The following NFIA variants were observed in gnomAD, a reference collection of about 807,000 sequenced individuals.
The protein encoded by NFIA is nuclear factor I A, also known as nuclear factor 1 A-type.
A neutral mutation model predicts 62.8 loss-of-function variants in NFIA; 8 were observed. That is an observed-to-expected ratio of 0.13 (90% CI 0.07 to 0.23). The LOEUF (loss-of-function observed/expected upper bound fraction) is 0.23. NFIA is among the 10% of genes least tolerant of loss of function. The pLI is 1.00. For missense variants in NFIA, 410 were observed against 642.1 expected, an observed-to-expected ratio of 0.64 and a Z score of 3.91; for synonymous variants, 235 against 238.1, an observed-to-expected ratio of 0.99 and a Z score of 0.12.
chr1:61,250,753 A>G (rs945356318), intron 2 of NFIA, among the ~76,000 whole-genome samples: 2 of 152,214 alleles, frequency 1.3e-5, no homozygotes, highest in Non-Finnish European at 2.9e-5. Context: ...TATTTATTAA[A>G]ATCATAGCTC....
At chr1:61,384,648 G>A (rs559957280) in intron 7 of NFIA, among the ~76,000 whole-genome samples, 7 of 152,206 alleles carry the variant, frequency 4.6e-5, no homozygotes, top group African/African-American at 1.7e-4. Flanking sequence ...CATATAAACT[G>A]TAGTGGGGGA....
intron 3 of NFIA, among the ~76,000 whole-genome samples, chr1:61,277,927 C>T (rs1657910486): frequency 1.3e-5 from 2 of 151,814 alleles, no homozygotes; most frequent in Non-Finnish European, 2.9e-5. Flanking sequence ...ATGGCTTTTT[C>T]ATTTCATTTT....
chr1:61,129,567 A>G (rs1190928976), intron 2 of NFIA, among the ~76,000 whole-genome samples: 1 of 150,264 alleles, frequency 6.7e-6, no homozygotes, highest in Non-Finnish European at 1.5e-5. Context: ...CTCATGCCTC[A>G]GCCTCCCGAG....
At chr1:61,202,238 A>G (rs1362101843) in intron 2 of NFIA, among the ~76,000 whole-genome samples, 1 of 152,182 alleles carries the variant, frequency 6.6e-6, no homozygotes, top group Non-Finnish European at 1.5e-5. Flanking sequence ...CTTTAAATAA[A>G]ATCCAACTAG....
At chr1:61,273,728 AC>A (rs1237795609) in intron 2 of NFIA, among the ~76,000 whole-genome samples, 6 of 152,172 alleles carry the variant, frequency 3.9e-5, no homozygotes, top group Non-Finnish European at 5.9e-5. Context: ...GTTTGAACTC[AC>A]CTTACTACAG....
At chr1:61,390,058 G>A (rs1409263800) in intron 7 of NFIA, among the ~76,000 whole-genome samples, 2 of 152,158 alleles carry the variant, frequency 1.3e-5, no homozygotes, top group Admixed American at 6.5e-5. Flanking sequence ...AGAGGACAAG[G>A]AAACCAGCAG....
intron 7 of NFIA, among the ~76,000 whole-genome samples, chr1:61,389,904 C>T (rs72666668): frequency 6.6e-6 from 1 of 152,230 alleles, no homozygotes; most frequent in Non-Finnish European, 1.5e-5. Flanking sequence ...TATTAGTTTG[C>T]AGATACCTAT....
At chr1:61,371,567 G>A (rs1663888928) in intron 6 of NFIA, among the ~76,000 whole-genome samples, 1 of 152,128 alleles carries the variant, frequency 6.6e-6, no homozygotes, top group South Asian at 2.1e-4. Flanking sequence ...TAATTTATTA[G>A]AAATGTCATT....
rs543917719 is a variant in NFIA at position 61,462,317 on chromosome 1, C to A, written c.*6997C>A. The A allele has an allele frequency of 6.6e-6, 1 of 152,154 alleles. No individual in the cohort carries two copies. The highest frequency in any genetic ancestry group is 1.5e-5 in the Non-Finnish European group (1 of 68,050). 9.4% of individuals were successfully genotyped at this position (152,154 alleles called of 1,614,324 possible). On this transcript the variant is annotated 3_prime_UTR_variant, in exon 11 of 11. Coordinates refer to ENST00000403491, the MANE Select transcript of NFIA (RefSeq NM_001134673.4). ...TCCCCCGCCCCACCCTTAGCCCTGC[C>A]CTCTCACCAGAGCAAAATTCACTGG...
At chr1:61,216,127 C>T (rs541992144) in intron 2 of NFIA, among the ~76,000 whole-genome samples, 5 of 152,274 alleles carry the variant, frequency 3.3e-5, no homozygotes, top group East Asian at 3.9e-4. Flanking sequence ...TTTACCCATT[C>T]CCTGTATCAG....
intron 3 of NFIA, among the ~76,000 whole-genome samples, chr1:61,316,899 TA>T (rs1209216481): frequency 6.6e-6 from 1 of 152,198 alleles, no homozygotes; most frequent in Non-Finnish European, 1.5e-5. Context: ...CGGAAGGAGC[TA>T]AAGTGTGGAG....
intron 2 of NFIA, among the ~76,000 whole-genome samples, chr1:61,248,184 A>G (rs1655774317): frequency 6.6e-6 from 1 of 152,202 alleles, no homozygotes; most frequent in Non-Finnish European, 1.5e-5. Context: ...CTCCAGCTAG[A>G]GAACCAAACC....
intron 1 of NFIA, 89 bp downstream of exon 1, chr1:61,082,907 C>G (rs866576954): frequency 1.7e-5 from 20 of 1,210,138 alleles, no homozygotes; most frequent in Non-Finnish European, 2.0e-5. Flanking sequence ...GGCCGTCGCT[C>G]CGGCCGGGCC....
intron 2 of NFIA, among the ~76,000 whole-genome samples, chr1:61,099,692 C>T (rs1447554989): frequency 6.6e-6 from 1 of 152,176 alleles, no homozygotes; most frequent in African/African-American, 2.4e-5. Flanking sequence ...AATAGACGTT[C>T]AGAGAGCATC....
intron 2 of NFIA, among the ~76,000 whole-genome samples, chr1:61,192,066 TCTC>T (rs745661648): frequency 2.0e-4 from 26 of 133,264 alleles, no homozygotes; most frequent in Non-Finnish European, 3.6e-4. Flanking sequence ...TTCAGGCAGT[TCTC>T]CTCCTCAGCC....
chr1:61,137,295 G>A (rs188157427), intron 2 of NFIA, among the ~76,000 whole-genome samples: 28 of 152,144 alleles, frequency 1.8e-4, no homozygotes, highest in Admixed American at 1.6e-3. Flanking sequence ...AACTCCACAA[G>A]GTAGTTATTA....
In NFIA at chr1:61,461,273, A is replaced by G. The variant is rs765894855; in HGVS notation, c.*5953A>G. ...CTGTCTTCACACCAGACCTCCTCATATTAAAAGGAAAAATAAGAAAAAAAA... is the reference window on the plus strand; with the variant it reads ...CTGTCTTCACACCAGACCTCCTCATGTTAAAAGGAAAAATAAGAAAAAAAA... On this transcript the variant is annotated 3_prime_UTR_variant, in exon 11 of 11. Transcript: ENST00000403491. The G allele has an allele frequency of 1.3e-5, 2 of 152,160 alleles. No individual in the cohort carries two copies. The highest frequency in any genetic ancestry group is 2.9e-5 in the Non-Finnish European group (2 of 68,034). The allele number at this position is 152,160 out of a possible 1,614,324, so 9.4% of individuals were successfully genotyped here.
intron 2 of NFIA, among the ~76,000 whole-genome samples, chr1:61,157,092 G>A (rs1648872561): frequency 6.6e-6 from 1 of 152,190 alleles, no homozygotes; most frequent in Non-Finnish European, 1.5e-5. Flanking sequence ...TGTGGTGACT[G>A]TTATTTTTCC....
intron 2 of NFIA, among the ~76,000 whole-genome samples, chr1:61,276,757 C>A (rs1435317283): frequency 6.6e-6 from 1 of 151,892 alleles, no homozygotes; most frequent in Non-Finnish European, 1.5e-5. Context: ...TCCCTTATTT[C>A]ATTTAGAAAT....
Sources: gnomAD v4.1 joint callset for allele counts (sites outside exome capture counted in the v4.1 genomes callset) on GRCh38, gnomAD v4.1.1 for gene constraint, MANE v1.5 for transcripts, NCBI Gene and HGNC (gene_info 2026-07-23, HGNC 2026-07-21) for gene names.